The following HYCC2 variants were observed in gnomAD, a reference collection of about 807,000 sequenced individuals.
The protein encoded by HYCC2 is hyccin PI4KA lipid kinase complex subunit 2, also known as hyccin 2.
the HYCC2 span, among the ~76,000 whole-genome samples, chr2:201,019,651 G>C: frequency 1.3e-5 from 2 of 151,912 alleles, no homozygotes; most frequent in East Asian, 3.9e-4. Flanking sequence ...GCTATTTTTG[G>C]GGGGCTGAGG....
the HYCC2 span, among the ~76,000 whole-genome samples, chr2:201,043,797 C>T: frequency 3.3e-5 from 5 of 152,080 alleles, no homozygotes; most frequent in African/African-American, 1.2e-4. Context: ...TGTGAGCCAC[C>T]GCGCCTGGCC....
At chr2:201,011,134 G>C in the HYCC2 span, among the ~76,000 whole-genome samples, 2 of 152,136 alleles carry the variant, frequency 1.3e-5, no homozygotes, top group East Asian at 3.9e-4. Context: ...GACAGAGCGA[G>C]ACTCCATCTC....
At chr2:201,048,392 A>G in the HYCC2 span, among the ~76,000 whole-genome samples, 2 of 152,170 alleles carry the variant, frequency 1.3e-5, no homozygotes, top group Non-Finnish European at 2.9e-5. Context: ...ATTACAGTAT[A>G]TAGACCAAGC....
At chr2:201,018,112 T>C in the HYCC2 span, among the ~76,000 whole-genome samples, 2 of 152,134 alleles carry the variant, frequency 1.3e-5, no homozygotes, top group African/African-American at 2.4e-5. Flanking sequence ...CAGTGTTCAA[T>C]TGGCTAATTT....
the HYCC2 span, among the ~76,000 whole-genome samples, chr2:201,058,599 G>A: frequency 2.4e-3 from 367 of 152,304 alleles, 3 homozygotes; most frequent in African/African-American, 8.5e-3. Flanking sequence ...AGCTACCCAG[G>A]AAGGTGAAGC....
the HYCC2 span, among the ~76,000 whole-genome samples, chr2:201,027,948 TG>T: frequency 0.047 from 7,190 of 152,218 alleles, 546 homozygotes; most frequent in African/African-American, 0.16. Context: ...AACATAGTGT[TG>T]GAAGTTCTGG....
At chr2:201,025,834 G>A in the HYCC2 span, among the ~76,000 whole-genome samples, 1 of 152,074 alleles carries the variant, frequency 6.6e-6, no homozygotes, top group Non-Finnish European at 1.5e-5. Flanking sequence ...TGAGGTAAGA[G>A]GATTGCTTGA....
At chr2:201,070,517 T>C in the HYCC2 span, among the ~76,000 whole-genome samples, 1 of 152,040 alleles carries the variant, frequency 6.6e-6, no homozygotes, top group Non-Finnish European at 1.5e-5. Context: ...TCGGGCGTGG[T>C]GGCGCATGCC....
the HYCC2 span, among the ~76,000 whole-genome samples, chr2:201,058,931 G>A: frequency 2.0e-5 from 3 of 152,156 alleles, no homozygotes; most frequent in Non-Finnish European, 4.4e-5. Flanking sequence ...CTAATGTGGT[G>A]GATGTCATTT....
the HYCC2 span, chr2:201,017,025 C>G: frequency 3.7e-6 from 6 of 1,613,724 alleles, no homozygotes; most frequent in Admixed American, 1.0e-4. Context: ...TGCTTCAATG[C>G]AACCATTACT....
At chr2:201,015,366 T>C in the HYCC2 span, among the ~76,000 whole-genome samples, 1 of 151,390 alleles carries the variant, frequency 6.6e-6, no homozygotes, top group Non-Finnish European at 1.5e-5. Context: ...CCCTAGTATC[T>C]CAGAAGTGTT....
chr2:201,020,732 T>C, the HYCC2 span, among the ~76,000 whole-genome samples: 10 of 152,168 alleles, frequency 6.6e-5, no homozygotes, highest in African/African-American at 2.4e-4. Flanking sequence ...TGCTGTAGAA[T>C]GGTAGATTTG....
chr2:201,011,902 ATTAAT>A, the HYCC2 span, among the ~76,000 whole-genome samples: 1 of 152,250 alleles, frequency 6.6e-6, no homozygotes, highest in African/African-American at 2.4e-5. Flanking sequence ...AGAAAAACAC[ATTAAT>A]TTAATACAGA....
At chr2:201,063,317 C>T in the HYCC2 span, 2 of 1,539,812 alleles carry the variant, frequency 1.3e-6, no homozygotes, top group Non-Finnish European at 1.8e-6. Flanking sequence ...TGCAAGGCCA[C>T]AGAAGGTGGA....
the HYCC2 span, among the ~76,000 whole-genome samples, chr2:201,061,640 T>A: frequency 2.6e-5 from 4 of 151,042 alleles, no homozygotes; most frequent in South Asian, 2.1e-4. Flanking sequence ...TTTTTTTTTT[T>A]ATTTTTATTG....
chr2:201,000,096 G>A, the HYCC2 span, among the ~76,000 whole-genome samples: 32 of 144,620 alleles, frequency 2.2e-4, no homozygotes, highest in African/African-American at 8.3e-4. Context: ...AGGAGGCTCC[G>A]TCCAGTAGGT....
chr2:201,020,545 A>G, the HYCC2 span, among the ~76,000 whole-genome samples: 1 of 152,322 alleles, frequency 6.6e-6, no homozygotes, highest in South Asian at 2.1e-4. Context: ...GTTGTTTATC[A>G]TATTCCACTC....
the HYCC2 span, among the ~76,000 whole-genome samples, chr2:200,997,966 G>A: frequency 6.6e-6 from 1 of 152,168 alleles, no homozygotes; most frequent in South Asian, 2.1e-4. Flanking sequence ...AACCCGGGAG[G>A]CGGAGGTTGC....
At chr2:201,038,507 T>C in the HYCC2 span, among the ~76,000 whole-genome samples, 1,030 of 152,176 alleles carry the variant, frequency 6.8e-3, 15 homozygotes, top group African/African-American at 0.024. Flanking sequence ...TGTCCATCAA[T>C]GATAGACTAG....
Sources: gnomAD v4.1 joint callset for allele counts (sites outside exome capture counted in the v4.1 genomes callset) on GRCh38, gnomAD v4.1.1 for gene constraint, MANE v1.5 for transcripts, NCBI Gene and HGNC (gene_info 2026-07-23, HGNC 2026-07-21) for gene names.